Variants in ST6GAL2 observed in about 807,000 individuals in gnomAD.
The protein encoded by ST6GAL2 is ST6 beta-galactoside alpha-2,6-sialyltransferase 2.
In ST6GAL2, 24 loss-of-function variants were observed where a neutral mutation model predicts 37.5. The observed-to-expected ratio is 0.64, with a 90% CI of 0.46 to 0.90. The LOEUF is 0.90. Among genes scored for constraint, ST6GAL2 ranks in the 40% least tolerant of loss-of-function variants. The pLI is 0.00. For missense variants in ST6GAL2, 715 were observed against 712.7 expected (o/e 1.00, Z -0.04); for synonymous variants, 306 against 295.1 (o/e 1.04, Z -0.38).
intron 1 of ST6GAL2, among the ~76,000 whole-genome samples, chr2:106,854,977 C>A (rs1054103458): frequency 3.3e-5 from 5 of 150,152 alleles, no homozygotes; most frequent in African/African-American, 1.2e-4. Context: ...TAAAAAGTAA[C>A]CCTGTCAGGG....
chr2:106,871,200 A>G (rs1678251973), intron 1 of ST6GAL2, among the ~76,000 whole-genome samples: 2 of 152,226 alleles, frequency 1.3e-5, no homozygotes, highest in African/African-American at 4.8e-5. Context: ...GGAAAAGTAC[A>G]GTAAAAATAT....
In ST6GAL2 at chr2:106,870,365, G is replaced by A. The variant is rs559511279; in HGVS notation, c.-58+15728C>T. 6.6e-5 allele frequency among the ~76,000 whole-genome samples: 10 copies of A among 152,200 alleles called. No homozygotes were observed. In the East Asian group the frequency reaches 1.2e-3, roughly 18 times the overall value. ...AAACGTGAAAACTTCCAGTTAGCTC[G>A]GATAGTCATGAAATGTAAACAGGTA... is the stretch of plus-strand genomic sequence containing the variant. On this transcript the variant is annotated intron_variant, in intron 1 of 5. Transcript: ENST00000409382.
At chr2:106,814,001 G>A (rs939771678) in intron 5 of ST6GAL2, among the ~76,000 whole-genome samples, 2 of 152,182 alleles carry the variant, frequency 1.3e-5, no homozygotes, top group African/African-American at 4.8e-5. Flanking sequence ...TTCTTAAAGA[G>A]ATAAAAGTGA....
chr2:106,844,895 T>C (rs1278970025), intron 1 of ST6GAL2, among the ~76,000 whole-genome samples: 2 of 152,148 alleles, frequency 1.3e-5, no homozygotes, highest in African/African-American at 4.8e-5. Flanking sequence ...TTGCAACTAA[T>C]ATGTATTGCT....
intron 1 of ST6GAL2, among the ~76,000 whole-genome samples, chr2:106,861,408 T>C (rs1677790915): frequency 6.6e-6 from 1 of 152,302 alleles, no homozygotes; most frequent in South Asian, 2.1e-4. Context: ...TACCCATTTT[T>C]ATATTTAATT....
chr2:106,876,348 T>C (rs1029529995), intron 1 of ST6GAL2, among the ~76,000 whole-genome samples: 2 of 152,188 alleles, frequency 1.3e-5, no homozygotes, highest in Non-Finnish European at 2.9e-5. Flanking sequence ...AGCTCTTCTG[T>C]TATAGCAATC....
intron 2 of ST6GAL2, among the ~76,000 whole-genome samples, chr2:106,838,617 C>G (rs1346343605): frequency 3.3e-5 from 5 of 152,136 alleles, no homozygotes; most frequent in African/African-American, 1.2e-4. Flanking sequence ...TTCTGGAGAC[C>G]CAGACTGGGG....
chr2:106,867,043 T>C (rs1438339669), intron 1 of ST6GAL2, among the ~76,000 whole-genome samples: 4 of 152,066 alleles, frequency 2.6e-5, no homozygotes, highest in African/African-American at 9.7e-5. Flanking sequence ...ACTGTGACAA[T>C]TCAAGAGGCA....
At chr2:106,844,268 G>A (rs1018492446) in intron 1 of ST6GAL2, among the ~76,000 whole-genome samples, 5 of 151,568 alleles carry the variant, frequency 3.3e-5, no homozygotes, top group Admixed American at 6.6e-5. Context: ...CATCTCAGGT[G>A]AGTCTTTGGA....
rs3841913 is a variant in ST6GAL2 at position 106,803,612 on chromosome 2, TAACAAC to T, written c.*3060_*3065del. On this transcript the variant is annotated 3_prime_UTR_variant, in exon 6 of 6. Transcript: ENST00000409382. ...TTGCTGCTCAAAATTTGTTTCTTTG[TAACAAC>T]AACAACAACAACAACAACAACAACA... 0.22 allele frequency: 32,819 copies of T among 149,138 alleles called. 3,973 individuals are homozygous for T. The highest frequency in any genetic ancestry group is 0.48 in the East Asian group (2,418 of 5,042). 9.2% of individuals were successfully genotyped at this position (149,138 alleles called of 1,614,324 possible). A position where few individuals can be genotyped will look rare whatever the true frequency, so the allele number is the denominator to read the frequency against.
At position 106,843,595 on chromosome 2, in the gene ST6GAL2, T is replaced by C; in HGVS notation, c.383A>G (p.Asp128Gly). 6.2e-7 allele frequency: 1 copy of C among 1,613,936 alleles called. No homozygotes were observed. The highest frequency in any genetic ancestry group is 1.1e-5 in the South Asian group (1 of 91,076). The change falls in exon 2 of 6, where the codon GAT (aspartate) becomes GGT (glycine). Residue 128 changes from aspartate (D) to glycine (G), a missense_variant. Transcript: ENST00000409382. ...RKSQSAFYPE[D>G]DDYFFAAGQP... ...ACCAGCAGCAAAAAAGTAGTCGTCATCCTCCGGGTAGAAAGCACTTTGAGA... is the reference window on the plus strand; with the variant it reads ...ACCAGCAGCAAAAAAGTAGTCGTCACCCTCCGGGTAGAAAGCACTTTGAGA...
At chr2:106,836,062 T>C (rs547618064) in intron 2 of ST6GAL2, among the ~76,000 whole-genome samples, 1 of 150,906 alleles carries the variant, frequency 6.6e-6, no homozygotes, top group South Asian at 2.1e-4. Context: ...ATATTTACCA[T>C]ACTAAAAGGT....
chr2:106,826,967 C>T (rs995404729), intron 5 of ST6GAL2, among the ~76,000 whole-genome samples: 3 of 152,156 alleles, frequency 2.0e-5, no homozygotes, highest in African/African-American at 4.8e-5. Context: ...TGATCTTTTG[C>T]GATGGTGACC....
At chr2:106,847,786 A>AG (rs1351406443) in intron 1 of ST6GAL2, among the ~76,000 whole-genome samples, 1 of 152,114 alleles carries the variant, frequency 6.6e-6, no homozygotes, top group Non-Finnish European at 1.5e-5. Flanking sequence ...GGTGAGATCT[A>AG]GGGGGGATGC....
chr2:106,823,790 G>C (rs192366855), intron 5 of ST6GAL2, among the ~76,000 whole-genome samples: 1 of 152,056 alleles, frequency 6.6e-6, no homozygotes, highest in Non-Finnish European at 1.5e-5. Context: ...TCAATGTCTC[G>C]TGAGGACCCA....
chr2:106,853,177 G>A (rs1573280643), intron 1 of ST6GAL2, among the ~76,000 whole-genome samples: 1 of 152,284 alleles, frequency 6.6e-6, no homozygotes, highest in Non-Finnish European at 1.5e-5. Context: ...AGCAGAACAA[G>A]TGATCCTCTG....
intron 1 of ST6GAL2, among the ~76,000 whole-genome samples, chr2:106,862,850 A>T (rs1186709343): frequency 6.6e-6 from 1 of 152,242 alleles, no homozygotes; most frequent in Non-Finnish European, 1.5e-5. Flanking sequence ...CAAGAAAATG[A>T]CTAAATGCTG....
chr2:106,816,438 T>A (rs538858585), intron 5 of ST6GAL2, among the ~76,000 whole-genome samples: 45 of 152,218 alleles, frequency 3.0e-4, no homozygotes, highest in Admixed American at 7.2e-4. Flanking sequence ...TATCAATAAT[T>A]GATATGCAAC....
intron 1 of ST6GAL2, among the ~76,000 whole-genome samples, chr2:106,873,746 A>G (rs1052575393): frequency 7.2e-5 from 11 of 152,236 alleles, no homozygotes; most frequent in Non-Finnish European, 1.5e-4. Flanking sequence ...ATGAGGTTGA[A>G]TGGTTTAGCA....
Sources: gnomAD v4.1 joint callset for allele counts (sites outside exome capture counted in the v4.1 genomes callset) on GRCh38, gnomAD v4.1.1 for gene constraint, MANE v1.5 for transcripts, NCBI Gene and HGNC (gene_info 2026-07-23, HGNC 2026-07-21) for gene names.